DNASE1: variants seen among roughly 807,000 people sequenced by gnomAD.
The protein encoded by DNASE1 is deoxyribonuclease 1.
Under a neutral mutation model 33.9 loss-of-function variants are expected in DNASE1, and 40 were observed. That is an observed-to-expected ratio of 1.18 (90% CI 0.92 to 1.54). The LOEUF is 1.54. Among genes scored for constraint, DNASE1 ranks in the 40% most tolerant of loss-of-function variants. The pLI is 0.00. For synonymous variants in DNASE1, 216 were observed against 160.0 expected (o/e 1.35, Z -2.64); for missense variants, 518 against 372.6 (o/e 1.39, Z -3.21).
In DNASE1 at chr16:3,663,176, A is replaced by G. The variant is rs187144165; in HGVS notation, c.*5223A>G. On this transcript the variant is annotated 3_prime_UTR_variant, in exon 10 of 10. Transcript: ENST00000407479. ...ACAACTTGGTTAGGGCTTTAAAAAA[A>G]TACACAGCCTCTCAAGAAGCTGGGC... 6.1e-4 allele frequency: 401 copies of G among 660,046 alleles called. No individual in the cohort carries two copies. In the East Asian group the frequency reaches 9.8e-3, roughly 16 times the overall value. 40.9% of individuals were successfully genotyped at this position (660,046 alleles called of 1,614,324 possible).
chr16:3,652,582 G>A (rs2042371204), upstream of DNASE1: 2 of 152,268 alleles, frequency 1.3e-5, no homozygotes, highest in African/African-American at 4.8e-5. Context: ...GGCAGCCTGA[G>A]GAGTGGTGGT....
upstream of DNASE1, chr16:3,640,938 G>A (rs541794147): frequency 2.5e-5 from 10 of 398,526 alleles, no homozygotes; most frequent in East Asian, 1.8e-4. Context: ...GTCCTGTCTC[G>A]ATGGCTCCAC....
intron 1 of DNASE1, among the ~76,000 whole-genome samples, chr16:3,632,085 T>A (rs2041717923): frequency 6.6e-6 from 1 of 152,212 alleles, no homozygotes; most frequent in Admixed American, 6.5e-5. Context: ...CATAAACTCA[T>A]AATTGTTTAA....
At chr16:3,658,638 A>T (rs954982553), downstream of DNASE1, 1 of 725,780 alleles carries the variant, frequency 1.4e-6, no homozygotes, top group East Asian at 2.8e-5. Context: ...GCGCCACTGC[A>T]CTCCAGCCTG....
chr16:3,650,335 C>T (rs373514230), upstream of DNASE1, among the ~76,000 whole-genome samples: 9 of 152,024 alleles, frequency 5.9e-5, no homozygotes, highest in South Asian at 8.3e-4. Context: ...CAGAAGGAAA[C>T]GTAAATGAAT....
chr16:3,658,478 T>C, downstream of DNASE1: 1 of 578,716 alleles, frequency 1.7e-6, no homozygotes, highest in Non-Finnish European at 3.1e-6. Context: ...GGTCAGGAGA[T>C]TGAGACCATC....
chr16:3,657,693 C>G, intron 7 of DNASE1, 27 bp from the exon 8 acceptor site: 2 of 1,613,324 alleles, frequency 1.2e-6, no homozygotes, highest in Non-Finnish European at 1.7e-6. Context: ...AAAGGGGAAC[C>G]TACTTTCTCT....
intron 1 of DNASE1, among the ~76,000 whole-genome samples, chr16:3,612,658 C>G (rs1280846374): frequency 6.6e-6 from 1 of 151,664 alleles, no homozygotes; most frequent in Non-Finnish European, 1.5e-5. Flanking sequence ...ATCCTCCCGC[C>G]TCGGCCTCCC....
In DNASE1 at chr16:3,618,887, A is replaced by C. The variant is rs2041202663; in HGVS notation, c.-1359+6881A>C. ...AATTTTTTTTTAGTGACAAGGTCTC[A>C]TTTCTGTTGCCCAGGCTCGAGTACA... On this transcript the variant is annotated intron_variant and NMD_transcript_variant, in intron 1 of 11. Coordinates refer to the DNASE1 transcript ENST00000570769. Among the ~76,000 whole-genome samples, 6 of 152,188 alleles carry C rather than the reference A, an allele frequency of 3.9e-5. No individual in the cohort carries two copies. In the South Asian group the frequency reaches 1.2e-3, roughly 32 times the overall value.
chr16:3,638,406 T>C (rs572576852), upstream of DNASE1, among the ~76,000 whole-genome samples: 3 of 152,184 alleles, frequency 2.0e-5, no homozygotes, highest in Non-Finnish European at 4.4e-5. Context: ...GGCGCAATCT[T>C]GGCTCACTGC....
At chr16:3,629,270 G>C (rs527560052) in intron 1 of DNASE1, among the ~76,000 whole-genome samples, 2 of 151,660 alleles carry the variant, frequency 1.3e-5, no homozygotes, top group South Asian at 4.2e-4. Context: ...TCCCTTGTAC[G>C]TTTAGTTTGT....
chr16:3,612,074 C>G (rs575271257), intron 1 of DNASE1: 1 of 152,222 alleles, frequency 6.6e-6, no homozygotes, highest in Admixed American at 6.5e-5. Context: ...GGGATTCTGC[C>G]GCGCTTCAGG....
chr16:3,657,469 C>T, intron 7 of DNASE1, 128 bp downstream of exon 7: 4 of 1,357,136 alleles, frequency 2.9e-6, no homozygotes, highest in Non-Finnish European at 3.0e-6. Context: ...TGATCCACTA[C>T]AGGGAACAGA....
At chr16:3,663,158 G>T in exon 10 of DNASE1, 1 of 657,114 alleles carries the variant, frequency 1.5e-6, no homozygotes, top group Non-Finnish European at 2.6e-6. Context: ...CATACAACTT[G>T]GTTAGGGCTT....
chr16:3,638,618 G>A (rs540036620), upstream of DNASE1, among the ~76,000 whole-genome samples: 19 of 152,306 alleles, frequency 1.2e-4, no homozygotes, highest in South Asian at 4.1e-4. Context: ...GATTACAGGC[G>A]TGAGCCACCA....
upstream of DNASE1, chr16:3,653,258 G>T (rs2042398306): frequency 6.6e-6 from 1 of 152,156 alleles, no homozygotes; most frequent in Admixed American, 6.5e-5. Flanking sequence ...CAACCGCCCG[G>T]AGCCTCCAGG....
At position 3,656,732 on chromosome 16, in the gene DNASE1, A is replaced by T; in HGVS notation, c.415A>T (p.Arg139Trp). Reference protein sequence around the residue: ...DTFNREPAIVRFFSRFTEVRE... With the variant: ...DTFNREPAIVWFFSRFTEVRE... ...CTTCAACCGAGAGCCAGCCATTGTCAGGTTCTTCTCCCGGTTCACAGGTGG... is the reference window on the plus strand; with the variant it reads ...CTTCAACCGAGAGCCAGCCATTGTCTGGTTCTTCTCCCGGTTCACAGGTGG... The change falls in exon 5 of 9, where the codon AGG (arginine) becomes TGG (tryptophan). Residue 139 changes from arginine to tryptophan, a missense_variant. Arg to Trp is a moderately radical substitution (Grantham distance 101). Coordinates refer to ENST00000246949, the MANE Select transcript of DNASE1 (RefSeq NM_005223.4). 3.1e-6 allele frequency: 5 copies of T among 1,611,200 alleles called. No homozygotes were observed. The highest frequency in any genetic ancestry group is 4.2e-6 in the Non-Finnish European group (5 of 1,178,692).
chr16:3,660,944 G>C (rs1015149582), downstream of DNASE1: 1 of 130,860 alleles, frequency 7.6e-6, no homozygotes, highest in African/African-American at 2.5e-5. Flanking sequence ...ATACTACTTA[G>C]GCTACATTGT....
At chr16:3,664,109 G>A in exon 10 of DNASE1, 1 of 697,404 alleles carries the variant, frequency 1.4e-6, no homozygotes, top group South Asian at 2.6e-5. Flanking sequence ...ACCTCCAAGT[G>A]GGAAACAGCC....
Sources: allele counts gnomAD v4.1 joint callset (sites outside exome capture counted in the v4.1 genomes callset), GRCh38; gene constraint gnomAD v4.1.1; transcripts MANE v1.5; gene names NCBI Gene and HGNC (gene_info 2026-07-23, HGNC 2026-07-21).